Variants in PARD3B observed in about 807,000 individuals in gnomAD.
PARD3B encodes the protein partitioning defective 3 homolog B.
A neutral mutation model predicts 130.2 loss-of-function variants in PARD3B; 103 were observed. That is an observed-to-expected ratio of 0.79 (90% CI 0.67 to 0.93). The LOEUF (loss-of-function observed/expected upper bound fraction) is 0.93, where lower values mean the gene tolerates loss of function less well. Ranked by LOEUF, PARD3B falls within the 40% of genes least tolerant of loss-of-function variation. PARD3B has a pLI of 0.00. For missense variants in PARD3B, 1,609 were observed against 1,499.2 expected (o/e 1.07, Z -1.21); for synonymous variants, 583 against 553.2 (o/e 1.05, Z -0.76).
In PARD3B at chr2:205,137,302, A is replaced by G. The variant is rs190376213; in HGVS notation, c.1434+11565A>G. Among the ~76,000 whole-genome samples the G allele has an allele frequency of 2.0e-3, 299 of 152,342 alleles. 1 individual carries two copies. The highest frequency in any genetic ancestry group is 6.8e-3 in the African/African-American group (282 of 41,588). On this transcript the variant is annotated intron_variant, in intron 10 of 22. Coordinates refer to ENST00000406610, the MANE Select transcript of PARD3B (RefSeq NM_001302769.2). ...AGATTCGAAGAAGCAAGAAGAGAAA[A>G]AAGTTCCAGAAATATGGACAAATAA...
At chr2:204,853,065 G>A (rs2044774509) in intron 2 of PARD3B, among the ~76,000 whole-genome samples, 1 of 151,912 alleles carries the variant, frequency 6.6e-6, no homozygotes, top group African/African-American at 2.4e-5. Context: ...GATAGAAAGT[G>A]TTTCTGTTCA....
At chr2:204,658,768 A>G (rs2035714156) in intron 1 of PARD3B, among the ~76,000 whole-genome samples, 1 of 152,158 alleles carries the variant, frequency 6.6e-6, no homozygotes, top group Non-Finnish European at 1.5e-5. Flanking sequence ...ATTAATAAAA[A>G]TTTTACTCTA....
At chr2:205,294,373 T>G (rs554698300) in intron 16 of PARD3B, among the ~76,000 whole-genome samples, 2 of 152,294 alleles carry the variant, frequency 1.3e-5, no homozygotes, top group South Asian at 4.1e-4. Context: ...AGAATATTTT[T>G]GGGGTAATGA....
At chr2:204,812,344 A>G (rs539048538) in intron 2 of PARD3B, among the ~76,000 whole-genome samples, 1 of 152,282 alleles carries the variant, frequency 6.6e-6, no homozygotes, top group East Asian at 1.9e-4. Context: ...CAGGGGCATA[A>G]GGCAGAGTGA....
At chr2:205,384,041 T>C (rs923133851) in intron 18 of PARD3B, among the ~76,000 whole-genome samples, 1 of 152,088 alleles carries the variant, frequency 6.6e-6, no homozygotes, top group Non-Finnish European at 1.5e-5. Flanking sequence ...TATCTCCCCT[T>C]AGCACAGTTT....
At chr2:205,373,435 T>C (rs1300837648) in intron 18 of PARD3B, among the ~76,000 whole-genome samples, 1 of 152,232 alleles carries the variant, frequency 6.6e-6, no homozygotes, top group Non-Finnish European at 1.5e-5. Context: ...GGTTTTTTTC[T>C]GTGTTTCTAT....
rs549621867 is a variant in PARD3B, at chr2:204,550,795, A to G, written c.120+4676A>G. ...TGATTAACTGTGGGATCGGAATCTA[A>G]GAGAATTTGTGTAGTTAGAAGAATC... On this transcript the variant is annotated intron_variant, in intron 1 of 22. Coordinates refer to ENST00000406610, the MANE Select transcript of PARD3B (RefSeq NM_001302769.2). 5.3e-5 allele frequency among the ~76,000 whole-genome samples: 8 copies of G among 152,328 alleles called. No homozygotes were observed. In the East Asian group the frequency reaches 1.3e-3, roughly 26 times the overall value.
rs563947933 is a variant in PARD3B, at chr2:205,429,742, T to C, written c.2742-10628T>C. Among the ~76,000 whole-genome samples the C allele has an allele frequency of 3.2e-4, 49 of 152,302 alleles. No individual in the cohort carries two copies. The Middle Eastern group carries it at 0.024, about 74-fold the overall frequency. On this transcript the variant is annotated intron_variant, in intron 19 of 22. Transcript: ENST00000406610. ...TATATTGGTTTCATAGGGCCGCCAT[T>C]TAACAGATTACCATCAACTTGGTGC...
chr2:205,543,906 G>C (rs1233862785), intron 21 of PARD3B, among the ~76,000 whole-genome samples: 1 of 152,154 alleles, frequency 6.6e-6, no homozygotes, highest in Non-Finnish European at 1.5e-5. Flanking sequence ...ATATGCTAGA[G>C]AGCTTGGTCA....
At chr2:204,966,325 C>T (rs1691245655) in intron 3 of PARD3B, among the ~76,000 whole-genome samples, 2 of 152,136 alleles carry the variant, frequency 1.3e-5, no homozygotes, top group Non-Finnish European at 2.9e-5. Context: ...GACCTATGGT[C>T]TAAGTGGGTT....
intron 2 of PARD3B, among the ~76,000 whole-genome samples, chr2:204,747,498 C>T (rs2040289531): frequency 6.6e-6 from 1 of 152,124 alleles, no homozygotes; most frequent in African/African-American, 2.4e-5. Flanking sequence ...TGAAAATGGC[C>T]ATACTGCCCA....
At chr2:205,408,599 G>A (rs188572106) in intron 19 of PARD3B, among the ~76,000 whole-genome samples, 1 of 152,108 alleles carries the variant, frequency 6.6e-6, no homozygotes, top group Non-Finnish European at 1.5e-5. Flanking sequence ...TGAATTGATA[G>A]TATTTTGTCA....
At position 205,300,689 on chromosome 2, in the gene PARD3B, G is replaced by C; in HGVS notation, c.2345G>C (p.Arg782Thr). 1 of 1,613,930 alleles carries C rather than the reference G, an allele frequency of 6.2e-7. No homozygotes were observed. Among genetic ancestry groups the C allele is most frequent in the Non-Finnish European group, 8.5e-7 (1 of 1,179,964 alleles). The change falls in exon 17 of 23, where the codon AGA becomes ACA. Residue 782 changes from arginine to threonine, a missense_variant. By Grantham distance (71) the Arg-to-Thr change is moderately conservative (BLOSUM62 -1). Coordinates refer to ENST00000406610, the MANE Select transcript of PARD3B (RefSeq NM_001302769.2). This position sits in a 1 kb window ranked among gnomAD's most constrained non-coding sequence, Gnocchi z 4.1. ...GGCCGAGGCTGCAATGAGAGCTTTA[G>C]AGCAGCCATTGACAAATCCTACGAT... The part of the protein sequence containing the change: ...VRGRGCNESF[R>T]AAIDKSYDGP...
chr2:205,212,593 G>A (rs944845984), intron 15 of PARD3B, among the ~76,000 whole-genome samples: 6 of 152,082 alleles, frequency 3.9e-5, no homozygotes, highest in African/African-American at 1.2e-4. Flanking sequence ...GCAGAGAAGT[G>A]TCCACAGCCA....
chr2:204,804,269 T>C (rs1393878413), intron 2 of PARD3B, among the ~76,000 whole-genome samples: 1 of 151,940 alleles, frequency 6.6e-6, no homozygotes, highest in Non-Finnish European at 1.5e-5. Flanking sequence ...AGTTTACCTA[T>C]AAAGATACAC....
intron 15 of PARD3B, among the ~76,000 whole-genome samples, chr2:205,234,477 A>G (rs1039935240): frequency 6.6e-6 from 1 of 152,232 alleles, no homozygotes; most frequent in Non-Finnish European, 1.5e-5. Context: ...ATGGAACCAA[A>G]TCATCAAAAC....
At chr2:204,747,525 C>T (rs1379891744) in intron 2 of PARD3B, among the ~76,000 whole-genome samples, 2 of 152,090 alleles carry the variant, frequency 1.3e-5, no homozygotes, top group African/African-American at 4.8e-5. Context: ...TTTATAGATT[C>T]AATGCCATCC....
intron 22 of PARD3B, among the ~76,000 whole-genome samples, chr2:205,553,675 A>G (rs1242830814): frequency 2.0e-5 from 3 of 152,238 alleles, no homozygotes; most frequent in Non-Finnish European, 4.4e-5. Context: ...AGCCATTGCT[A>G]TAAAACTGGT....
At chr2:204,580,727 T>C (rs986085614) in intron 1 of PARD3B, among the ~76,000 whole-genome samples, 3 of 152,142 alleles carry the variant, frequency 2.0e-5, no homozygotes, top group Admixed American at 1.3e-4. Context: ...ATTAATTCAT[T>C]GAATATGGCA....
Sources: gnomAD v4.1 joint callset for allele counts (sites outside exome capture counted in the v4.1 genomes callset) on GRCh38, gnomAD v4.1.1 for gene constraint, Gnocchi (gnomAD v3.1) non-coding constraint, MANE v1.5 for transcripts, NCBI Gene and HGNC (gene_info 2026-07-23, HGNC 2026-07-21) for gene names.